AOAH: variants seen among roughly 807,000 people sequenced by gnomAD.
The protein encoded by AOAH is acyloxyacyl hydrolase, also known as acyloxyacyl hydrolase (neutrophil).
Under a neutral mutation model 92.2 loss-of-function variants are expected in AOAH, and 64 were observed. That is an observed-to-expected ratio of 0.69 (90% confidence interval 0.57 to 0.86). The LOEUF (loss-of-function observed/expected upper bound fraction) is 0.86. AOAH is among the 40% of genes least tolerant of loss of function. The probability of loss-of-function intolerance (pLI) is 0.00; values close to 1 mark genes in which losing one functional copy is unlikely to be tolerated. For missense variants in AOAH, 656 were observed against 694.6 expected (o/e 0.94, Z 0.62); for synonymous variants, 263 against 254.5 (o/e 1.03, Z -0.32).
At chr7:36,686,831 A>C in intron 1 of AOAH, 37 bp from the exon 2 acceptor site, 1 of 1,392,962 alleles carries the variant, frequency 7.2e-7, no homozygotes, top group East Asian at 2.6e-5. Flanking sequence ...TCTGTGTCAC[A>C]CAGAAAACTG....
intron 15 of AOAH, among the ~76,000 whole-genome samples, 179 bp downstream of exon 15, chr7:36,548,433 A>G (rs985885807): frequency 1.3e-5 from 2 of 151,996 alleles, no homozygotes; most frequent in African/African-American, 2.4e-5. Flanking sequence ...TGATCTGCCC[A>G]CCTCGGCCTC....
At chr7:36,519,182 T>G (rs894692969) in intron 20 of AOAH, among the ~76,000 whole-genome samples, 3 of 152,192 alleles carry the variant, frequency 2.0e-5, no homozygotes, top group African/African-American at 7.2e-5. Context: ...AGGATCAAGG[T>G]CAAGCCCCAG....
intron 20 of AOAH, among the ~76,000 whole-genome samples, chr7:36,517,230 C>CTTTCTTTT (rs1205876365): frequency 1.2e-5 from 1 of 83,100 alleles, no homozygotes; most frequent in Non-Finnish European, 2.4e-5. Flanking sequence ...CTTTCTGTCT[C>CTTTCTTTT]TCTCTCTCTC....
intron 13 of AOAH, among the ~76,000 whole-genome samples, chr7:36,568,518 T>C (rs781367157): frequency 6.6e-6 from 1 of 152,198 alleles, no homozygotes; most frequent in Non-Finnish European, 1.5e-5. Context: ...TCCTGCTTTC[T>C]CCTGTGGTTC....
intron 4 of AOAH, among the ~76,000 whole-genome samples, chr7:36,647,301 C>A (rs1170103601): frequency 6.6e-6 from 1 of 152,164 alleles, no homozygotes; most frequent in East Asian, 1.9e-4. Flanking sequence ...TTGAGCTGAG[C>A]TCTAATGGGG....
chr7:36,623,232 C>T lies in AOAH; in HGVS notation c.540G>A (p.Val180=), dbSNP rs896255343. The change falls in exon 7 of 21, where the codon GTG becomes GTA. Residue 180 remains valine (V), a synonymous_variant. Coordinates refer to ENST00000617537, the MANE Select transcript of AOAH (RefSeq NM_001637.4). ...TGTCTGAATCCACATCTTTGAATGG[C>T]ACAGACTGTTCCATAGCTCTAGGAA... ...QKIKLAMEQS[V]PFKDVDSDKY... 6.2e-7 allele frequency: 1 copy of T among 1,613,976 alleles called. No individual in the cohort carries two copies. The highest frequency in any genetic ancestry group is 1.3e-5 in the African/African-American group (1 of 75,032).
intron 5 of AOAH, among the ~76,000 whole-genome samples, chr7:36,636,105 C>T (rs1414993480): frequency 6.6e-6 from 1 of 152,164 alleles, no homozygotes; most frequent in African/African-American, 2.4e-5. Flanking sequence ...GTACCCTGGC[C>T]AGGTCTGAAG....
In AOAH at chr7:36,532,187, C is replaced by A. The variant is rs1233515408; in HGVS notation, c.1385G>T (p.Trp462Leu). The change falls in exon 18 of 21, where the codon TGG becomes TTG. Residue 462 changes from tryptophan (W) to leucine (L), a missense_variant. Trp to Leu is a moderately conservative substitution (Grantham distance 61). Coordinates refer to ENST00000617537, the MANE Select transcript of AOAH (RefSeq NM_001637.4). ...NCLQVSPCHG[W>L]MSSNKTLRTL... The stretch of plus-strand genomic sequence containing the variant: ...CCGCAACGTCTTGTTGGAAGACATC[C>A]AGCCGTGGCAGGGGCTGACCTGAGA... 1 of 1,614,180 alleles carries A rather than the reference C, an allele frequency of 6.2e-7. No individual in the cohort carries two copies. Among genetic ancestry groups the A allele is most frequent in the South Asian group, 1.1e-5 (1 of 91,076 alleles).
intron 16 of AOAH, among the ~76,000 whole-genome samples, chr7:36,533,678 CGTGTGTGTGTGT>C (rs5883560): frequency 1.3e-4 from 20 of 149,190 alleles, no homozygotes; most frequent in African/African-American, 4.9e-4. Flanking sequence ...ATTTTGTGTG[CGTGTGTGTGTGT>C]GTGTGTGTGT....
At chr7:36,660,214 C>A (rs1339513348) in intron 3 of AOAH, among the ~76,000 whole-genome samples, 1 of 152,248 alleles carries the variant, frequency 6.6e-6, no homozygotes, top group Non-Finnish European at 1.5e-5. Context: ...AGCTTTATTG[C>A]TCACGCAAAG....
At chr7:36,559,516 T>G (rs1246732708) in intron 13 of AOAH, among the ~76,000 whole-genome samples, 1 of 152,268 alleles carries the variant, frequency 6.6e-6, no homozygotes, top group African/African-American at 2.4e-5. Flanking sequence ...GTGTCTTTTT[T>G]CATATGCTTG....
At chr7:36,657,741 C>T (rs567567532) in intron 4 of AOAH, among the ~76,000 whole-genome samples, 3 of 151,994 alleles carry the variant, frequency 2.0e-5, no homozygotes, top group South Asian at 2.1e-4. Context: ...CAGAGGCAGT[C>T]GAAATTTTAC....
At chr7:36,723,373 C>T (rs1329069366) in intron 1 of AOAH, among the ~76,000 whole-genome samples, 1 of 152,154 alleles carries the variant, frequency 6.6e-6, no homozygotes, top group African/African-American at 2.4e-5. Context: ...GGAAATAAAA[C>T]ACTTCATTAA....
At chr7:36,564,113 C>T (rs912266086) in intron 13 of AOAH, among the ~76,000 whole-genome samples, 4 of 152,168 alleles carry the variant, frequency 2.6e-5, no homozygotes, top group Admixed American at 6.5e-5. Flanking sequence ...CTTCTCTCTC[C>T]CTCTTCCTCA....
chr7:36,631,230 C>G (rs1384955908), intron 6 of AOAH, among the ~76,000 whole-genome samples: 6 of 151,946 alleles, frequency 3.9e-5, no homozygotes, highest in Non-Finnish European at 7.4e-5. Context: ...GCCTGTAATC[C>G]CAGCTACTAG....
At chr7:36,591,748 A>G (rs1381890243) in intron 12 of AOAH, among the ~76,000 whole-genome samples, 7 of 152,214 alleles carry the variant, frequency 4.6e-5, no homozygotes, top group African/African-American at 7.2e-5. Flanking sequence ...TCATCCCCCA[A>G]TAGAAACTCA....
intron 3 of AOAH, among the ~76,000 whole-genome samples, chr7:36,659,648 T>C (rs1037890257): frequency 1.3e-5 from 2 of 152,190 alleles, no homozygotes; most frequent in Non-Finnish European, 2.9e-5. Flanking sequence ...GGTAACCTTA[T>C]AGTGAAAAAT....
At chr7:36,641,324 C>T (rs955055656) in intron 4 of AOAH, among the ~76,000 whole-genome samples, 5 of 152,058 alleles carry the variant, frequency 3.3e-5, no homozygotes, top group African/African-American at 7.2e-5. Context: ...TTCTAGAAGC[C>T]CCCCCTCCTC....
At chr7:36,669,417 C>G (rs181447010) in intron 3 of AOAH, among the ~76,000 whole-genome samples, 1 of 123,618 alleles carries the variant, frequency 8.1e-6, no homozygotes. Context: ...GAGTCTTTCT[C>G]TGTTGCCCAG....
Sources: gnomAD v4.1 joint callset for allele counts (sites outside exome capture counted in the v4.1 genomes callset) on GRCh38, gnomAD v4.1.1 for gene constraint, MANE v1.5 for transcripts, NCBI Gene and HGNC (gene_info 2026-07-23, HGNC 2026-07-21) for gene names.